NCOA2: variants seen among roughly 807,000 people sequenced by gnomAD.
NCOA2 encodes nuclear receptor coactivator 2.
Under a neutral mutation model 145.1 loss-of-function variants are expected in NCOA2, and 21 were observed. That is an observed-to-expected ratio of 0.14 (90% CI 0.10 to 0.21). The LOEUF (loss-of-function observed/expected upper bound fraction) is 0.21. NCOA2 is among the 10% of genes least tolerant of loss of function. The probability of loss-of-function intolerance (pLI) is 1.00; values close to 1 mark genes in which losing one functional copy is unlikely to be tolerated. For synonymous variants in NCOA2, 619 were observed against 637.5 expected, an observed-to-expected ratio of 0.97 and a Z score of 0.44; for missense variants, 1,472 against 1,837.6, an observed-to-expected ratio of 0.80 and a Z score of 3.64.
chr8:70,438,337 C>G, the NCOA2 span, among the ~76,000 whole-genome samples: 1 of 152,120 alleles, frequency 6.6e-6, no homozygotes, highest in Non-Finnish European at 1.5e-5. Context: ...TGTTCTAGGA[C>G]TTTTTGGTCC....
At chr8:70,127,078 T>C (rs754872452) in intron 18 of NCOA2, 31 bp from the exon 19 acceptor site, 13 of 1,493,104 alleles carry the variant, frequency 8.7e-6, no homozygotes, top group Non-Finnish European at 1.2e-5. Flanking sequence ...TGGAGGAAAA[T>C]GTCGGGGACA....
chr8:70,189,002 G>C (rs1816379757), intron 4 of NCOA2, among the ~76,000 whole-genome samples: 1 of 152,084 alleles, frequency 6.6e-6, no homozygotes, highest in African/African-American at 2.4e-5. Flanking sequence ...AATGTACATT[G>C]TTTCTTTTTA....
chr8:70,279,730 T>A (rs954431971), intron 2 of NCOA2, among the ~76,000 whole-genome samples: 2 of 151,966 alleles, frequency 1.3e-5, no homozygotes, highest in African/African-American at 2.4e-5. Context: ...TTCCTGTAAT[T>A]TTTTTTTAGA....
chr8:70,389,074 T>C (rs1812937111), intron 1 of NCOA2, among the ~76,000 whole-genome samples: 1 of 152,230 alleles, frequency 6.6e-6, no homozygotes, highest in Non-Finnish European at 1.5e-5. Context: ...GGGGGTTTTA[T>C]ATAGTTACTG....
intron 2 of NCOA2, among the ~76,000 whole-genome samples, chr8:70,235,206 A>C (rs1821491024): frequency 6.6e-6 from 1 of 152,240 alleles, no homozygotes; most frequent in African/African-American, 2.4e-5. Context: ...CCTAAATGAA[A>C]GAATGATTTC....
At chr8:70,426,434 G>T in the NCOA2 span, among the ~76,000 whole-genome samples, 1 of 152,128 alleles carries the variant, frequency 6.6e-6, no homozygotes, top group Admixed American at 6.6e-5. Flanking sequence ...AAATTGTACT[G>T]AAGAAATCAA....
At chr8:70,114,325 C>T (rs189425422) in intron 22 of NCOA2, among the ~76,000 whole-genome samples, 6 of 152,238 alleles carry the variant, frequency 3.9e-5, no homozygotes, top group Middle Eastern at 3.4e-3. Flanking sequence ...TGCACCCGGC[C>T]TCTTGGGGTG....
At chr8:70,217,845 C>T (rs1819771121) in intron 2 of NCOA2, among the ~76,000 whole-genome samples, 1 of 152,102 alleles carries the variant, frequency 6.6e-6, no homozygotes, top group Admixed American at 6.6e-5. Context: ...CTGAAATCTG[C>T]ATTTAAAGTC....
intron 1 of NCOA2, among the ~76,000 whole-genome samples, chr8:70,368,624 T>G (rs1810926351): frequency 6.6e-6 from 1 of 152,250 alleles, no homozygotes; most frequent in Non-Finnish European, 1.5e-5. Context: ...TAGTTTAGAC[T>G]GTTTATTAAA....
Position 70,128,950 on chromosome 8 carries a change from T to C in NCOA2, c.3355A>G (p.Ser1119Gly). ...SQAVDPEQFS[S>G]QDSNIMLEQK... ...TCCAGCATGATGTTGGAATCCTGAC[T>C]TGAGAACTGTTCTGGATCTACTGCT... Residue 1119 changes from serine to glycine, a missense_variant, in exon 17 of 23, where the codon AGT becomes GGT. By Grantham distance (56) the Ser-to-Gly change is moderately conservative (BLOSUM62 0). Around this residue, in one of 4 missense-constraint regions of NCOA2, gnomAD observed 953 missense variants for 1,062.1 expected, o/e 0.90. Transcript: ENST00000452400. The C allele has an allele frequency of 6.2e-7, 1 of 1,607,638 alleles. No homozygotes were observed. The highest frequency in any genetic ancestry group is 1.3e-5 in the African/African-American group (1 of 74,950).
rs1207145073 is a variant in NCOA2 at position 70,378,376 on chromosome 8, C to CT, written c.-77+25323dup. ...TGTTGAAAATCTGACAGATGCTTGG[C>CT]TCTAAATTGAGGGAAGTAGAGTCAT... is the stretch of plus-strand genomic sequence containing the variant. On this transcript the variant is annotated intron_variant, in intron 1 of 22. Transcript: ENST00000452400. Among the ~76,000 whole-genome samples the CT allele has an allele frequency of 2.1e-4, 32 of 152,018 alleles. 1 individual carries two copies. The highest frequency in any genetic ancestry group is 7.5e-4 in the African/African-American group (31 of 41,356).
chr8:70,233,092 G>A (rs1304575066), intron 2 of NCOA2, among the ~76,000 whole-genome samples: 1 of 34,420 alleles, frequency 2.9e-5, no homozygotes, highest in Non-Finnish European at 6.2e-5. Context: ...GGGCATGGTG[G>A]TGTCCGCCTG....
chr8:70,321,673 T>G (rs1806079187), intron 1 of NCOA2, among the ~76,000 whole-genome samples: 1 of 152,102 alleles, frequency 6.6e-6, no homozygotes, highest in Non-Finnish European at 1.5e-5. Flanking sequence ...CAGCATTCTT[T>G]CCTATGAGGT....
intron 1 of NCOA2, among the ~76,000 whole-genome samples, chr8:70,387,394 C>T (rs970744587): frequency 6.6e-6 from 1 of 152,200 alleles, no homozygotes; most frequent in Admixed American, 6.5e-5. Flanking sequence ...TTTAAGAATG[C>T]TCTCTTTTGT....
At chr8:70,377,934 C>G (rs1002708182) in intron 1 of NCOA2, among the ~76,000 whole-genome samples, 1 of 149,578 alleles carries the variant, frequency 6.7e-6, no homozygotes, top group Non-Finnish European at 1.5e-5. Context: ...ACAATGATAA[C>G]TCTGACTCTG....
chr8:70,371,344 C>T (rs867023776), intron 1 of NCOA2, among the ~76,000 whole-genome samples: 4 of 151,582 alleles, frequency 2.6e-5, no homozygotes, highest in Middle Eastern at 3.2e-3. Flanking sequence ...TAAACGTACA[C>T]CTGAAAATGG....
intron 1 of NCOA2, among the ~76,000 whole-genome samples, chr8:70,311,819 C>A (rs1805146436): frequency 6.6e-6 from 1 of 152,018 alleles, no homozygotes; most frequent in Non-Finnish European, 1.5e-5. Flanking sequence ...CTGTTTAGGA[C>A]TAAAAAAATT....
chr8:70,428,578 T>G, the NCOA2 span, among the ~76,000 whole-genome samples: 2 of 152,138 alleles, frequency 1.3e-5, no homozygotes, highest in Non-Finnish European at 2.9e-5. Flanking sequence ...GAGCTGGGAT[T>G]GCGCCACTGC....
chr8:70,208,302 G>A (rs909426038), intron 4 of NCOA2, among the ~76,000 whole-genome samples: 1 of 151,674 alleles, frequency 6.6e-6, no homozygotes, highest in Non-Finnish European at 1.5e-5. Flanking sequence ...TCTATGAGAA[G>A]ATGCAGAAGA....
Sources: gnomAD v4.1 joint callset for allele counts (sites outside exome capture counted in the v4.1 genomes callset) on GRCh38, gnomAD v4.1.1 for gene constraint, gnomAD v4.1.1 regional missense constraint, MANE v1.5 for transcripts, NCBI Gene and HGNC (gene_info 2026-07-23, HGNC 2026-07-21) for gene names.